FBXO31: variants seen among roughly 807,000 people sequenced by gnomAD.
FBXO31 encodes F-box protein 31.
A neutral mutation model predicts 54.4 loss-of-function variants in FBXO31; 24 were observed. That is an observed-to-expected ratio of 0.44 (90% CI 0.32 to 0.62). The LOEUF (loss-of-function observed/expected upper bound fraction) is 0.62, where lower values mean the gene tolerates loss of function less well. Among genes scored for constraint, FBXO31 ranks in the 20% least tolerant of loss-of-function variants. The probability of loss-of-function intolerance (pLI) is 0.05; values close to 1 mark genes in which losing one functional copy is unlikely to be tolerated. For synonymous variants in FBXO31, 388 were observed against 335.6 expected (o/e 1.16, Z -1.71); for missense variants, 665 against 787.1 (o/e 0.84, Z 1.86).
At chr16:87,344,340 C>T (rs879934715) in intron 3 of FBXO31, among the ~76,000 whole-genome samples, 5 of 152,350 alleles carry the variant, frequency 3.3e-5, no homozygotes, top group Non-Finnish European at 5.9e-5. Context: ...CGCTCAGGAG[C>T]GGGAAGAGCC....
intron 1 of FBXO31, among the ~76,000 whole-genome samples, chr16:87,361,832 C>G (rs996543934): frequency 6.6e-6 from 1 of 152,232 alleles, no homozygotes; most frequent in Non-Finnish European, 1.5e-5. Context: ...CTCTTTCCAG[C>G]GGGACCGTTC....
At position 87,336,572 on chromosome 16, in the gene FBXO31, G is replaced by C. The variant is rs1463498076; in HGVS notation, c.733-308C>G. Reference sequence around the variant, plus strand: ...GGGCCACAGCCATGACCAGAACTCAGGGTGGGCCTCCCTTCCATGCCCACC... The same window carrying C: ...GGGCCACAGCCATGACCAGAACTCACGGTGGGCCTCCCTTCCATGCCCACC... On this transcript the variant is annotated intron_variant, in intron 5 of 8. Transcript: ENST00000311635. The surrounding 1 kb of genome is among the most constrained non-coding windows in gnomAD (Gnocchi z 6.5). 6.6e-6 allele frequency among the ~76,000 whole-genome samples: 1 copy of C among 152,154 alleles called. No individual in the cohort carries two copies. Among genetic ancestry groups the C allele is most frequent in the Non-Finnish European group, 1.5e-5 (1 of 68,016 alleles).
intron 2 of FBXO31, among the ~76,000 whole-genome samples, chr16:87,350,631 G>A (rs1441386773): frequency 6.6e-6 from 1 of 152,218 alleles, no homozygotes; most frequent in African/African-American, 2.4e-5. Context: ...GGGATGGACT[G>A]CTGGGCGGCT....
At chr16:87,380,027 C>T (rs1347893865) in intron 1 of FBXO31, among the ~76,000 whole-genome samples, 5 of 147,182 alleles carry the variant, frequency 3.4e-5, no homozygotes, top group African/African-American at 1.0e-4. Context: ...AGGCCTGCCG[C>T]GGTGGCTCAC....
chr16:87,361,629 G>A (rs74038751), intron 1 of FBXO31, among the ~76,000 whole-genome samples: 2 of 152,318 alleles, frequency 1.3e-5, no homozygotes, highest in Admixed American at 1.3e-4. Context: ...TAGCTCCAAA[G>A]TGCTGCCCCT....
chr16:87,368,294 G>C (rs538356306), intron 1 of FBXO31, among the ~76,000 whole-genome samples: 1 of 152,182 alleles, frequency 6.6e-6, no homozygotes, highest in Non-Finnish European at 1.5e-5. Flanking sequence ...AGTAATGTTC[G>C]ATATTTTCCA....
intron 1 of FBXO31, among the ~76,000 whole-genome samples, chr16:87,363,214 G>A (rs1050556995): frequency 3.9e-5 from 6 of 152,032 alleles, no homozygotes; most frequent in African/African-American, 1.4e-4. Context: ...GAGAAACCCC[G>A]TCTCTACTGA....
At chr16:87,380,464 T>C (rs1443909022) in intron 1 of FBXO31, among the ~76,000 whole-genome samples, 1 of 152,114 alleles carries the variant, frequency 6.6e-6, no homozygotes, top group Non-Finnish European at 1.5e-5. Flanking sequence ...TGCAGTAGCA[T>C]GTTCACAGCT....
chr16:87,335,089 G>C lies in FBXO31; in HGVS notation c.996+215C>G, dbSNP rs1299754852. Among the ~76,000 whole-genome samples the C allele has an allele frequency of 6.6e-6, 1 of 152,230 alleles. No homozygotes were observed. Among genetic ancestry groups the C allele is most frequent in the Admixed American group, 6.5e-5 (1 of 15,290 alleles). On this transcript the variant is annotated intron_variant, in intron 7 of 8. Coordinates refer to ENST00000311635, the MANE Select transcript of FBXO31 (RefSeq NM_024735.5). The surrounding 1 kb of genome is among the most constrained non-coding windows in gnomAD (Gnocchi z 5.7). The stretch of plus-strand genomic sequence containing the variant: ...GGGAAGGCCACCTTGGAAGCACACA[G>C]ACTCCCTGAGGGTCTCGTGGAAATG...
chr16:87,351,254 CCATT>C (rs1240367056), intron 2 of FBXO31, among the ~76,000 whole-genome samples: 1 of 152,194 alleles, frequency 6.6e-6, no homozygotes, highest in Non-Finnish European at 1.5e-5. Context: ...AATTAAGCTC[CCATT>C]CAAACGGTCA....
chr16:87,354,976 T>A (rs1905830904), intron 2 of FBXO31, among the ~76,000 whole-genome samples: 1 of 151,910 alleles, frequency 6.6e-6, no homozygotes, highest in Non-Finnish European at 1.5e-5. Context: ...CTCAAAAAAA[T>A]AAAAATAAAA....
chr16:87,331,355 T>C lies in FBXO31; in HGVS notation c.1553A>G (p.Asn518Ser). The C allele has an allele frequency of 6.2e-7, 1 of 1,614,012 alleles. No homozygotes were observed. Among genetic ancestry groups the C allele is most frequent in the South Asian group, 1.1e-5 (1 of 91,078 alleles). The change falls in exon 9 of 9, where the codon AAC becomes AGC. Residue 518 changes from asparagine to serine, a missense_variant. Around this residue, in one of 4 missense-constraint regions of FBXO31, gnomAD observed 71 missense variants for 105.8 expected, o/e 0.67. Coordinates refer to ENST00000311635, the MANE Select transcript of FBXO31 (RefSeq NM_024735.5). Reference sequence around the variant, plus strand: ...GGCCTGTGGGGACGGCGCATCTGCGTTCCGGAAGGTGGCCTGGACCCGGCT... The same window carrying C: ...GGCCTGTGGGGACGGCGCATCTGCGCTCCGGAAGGTGGCCTGGACCCGGCT... ...LYSRVQATFR[N>S]ADAPSPQAFD...
chr16:87,390,886 A>G (rs1907514583), upstream of FBXO31, among the ~76,000 whole-genome samples: 1 of 151,992 alleles, frequency 6.6e-6, no homozygotes, highest in African/African-American at 2.4e-5. Flanking sequence ...GCTTGGAGCC[A>G]CCGCCCCCCG....
chr16:87,341,798 G>A (rs542807340), intron 5 of FBXO31, among the ~76,000 whole-genome samples: 92 of 151,600 alleles, frequency 6.1e-4, no homozygotes, highest in African/African-American at 2.1e-3. Flanking sequence ...ATCTATTCAA[G>A]AAAACAGGAA....
Position 87,335,333 on chromosome 16 carries a change from C to T in FBXO31, c.967G>A (p.Gly323Ser). The T allele has an allele frequency of 1.9e-6, 3 of 1,613,928 alleles. No individual in the cohort carries two copies. The highest frequency in any genetic ancestry group is 2.5e-6 in the Non-Finnish European group (3 of 1,180,008). The change falls in exon 7 of 9, where the codon GGC becomes AGC. Residue 323 changes from glycine (G) to serine (S), a missense_variant. Physicochemically the swap from Gly to Ser is moderately conservative, Grantham distance 56 (BLOSUM62 0). Transcript: ENST00000311635. This position sits in a 1 kb window ranked among gnomAD's most constrained non-coding sequence, Gnocchi z 5.7. ...GLEIVMLSFH[G>S]RRARGTKITG... ...ATCTTGGTGCCCCTGGCACGCCGGCCGTGGAAGCTGAGCATCACAATCTCC... is the reference window on the plus strand; with the variant it reads ...ATCTTGGTGCCCCTGGCACGCCGGCTGTGGAAGCTGAGCATCACAATCTCC...
chr16:87,387,470 T>C (rs906349911), upstream of FBXO31, among the ~76,000 whole-genome samples: 1 of 152,164 alleles, frequency 6.6e-6, no homozygotes, highest in African/African-American at 2.4e-5. Flanking sequence ...CATTTTCCAA[T>C]TGGTTGCCTC....
Position 87,343,608 on chromosome 16 carries a change from C to T in FBXO31, c.647G>A (p.Gly216Asp). 6.2e-7 allele frequency: 1 copy of T among 1,608,178 alleles called. No homozygotes were observed. Among genetic ancestry groups the T allele is most frequent in the Non-Finnish European group, 8.5e-7 (1 of 1,177,358 alleles). The part of the protein sequence containing the change: ...CMYGHKGPHH[G>D]HIQIVKKDEF... ...CGCCGCTGCACACACCTGGATGTGG[C>T]CGTGGTGGGGCCCTTTGTGGCCGTA... is the stretch of plus-strand genomic sequence containing the variant. The change falls in exon 4 of 9, where the codon GGC (glycine) becomes GAC (aspartate). Residue 216 changes from glycine to aspartate, a missense_variant. Physicochemically the swap from Gly to Asp is moderately conservative, Grantham distance 94. Around this residue, in one of 4 missense-constraint regions of FBXO31, gnomAD observed 234 missense variants for 346.8 expected, o/e 0.67. Transcript: ENST00000311635.
At position 87,383,735 on chromosome 16, in the gene FBXO31, A is replaced by G. The variant is rs2150701759; in HGVS notation, c.10T>C (p.Cys4Arg). 2 of 1,224,572 alleles carry G rather than the reference A, an allele frequency of 1.6e-6. No individual in the cohort carries two copies. Among genetic ancestry groups the G allele is most frequent in the African/African-American group, 1.6e-5 (1 of 62,984 alleles). The allele number at this position is 1,224,572 out of a possible 1,614,324, so 75.9% of individuals were successfully genotyped here. A position where few individuals can be genotyped will look rare whatever the true frequency, so the allele number is the denominator to read the frequency against. The change falls in exon 1 of 9, where the codon TGT becomes CGT. Residue 4 changes from cysteine to arginine, a missense_variant. By Grantham distance (180) the Cys-to-Arg change is radical. This residue lies in a region of FBXO31 where 195 missense variants were observed against 174.8 expected (regional missense o/e 1.12). Transcript: ENST00000311635. The surrounding 1 kb of genome is among the most constrained non-coding windows in gnomAD (Gnocchi z 4.9). ...GGGCCCACGCCGCAAAGGCGAGCAC[A>G]CACCGCCATGCCGCCCAGTGACGGC... is the stretch of plus-strand genomic sequence containing the variant. MAV[C>R]ARLCGVGPSR...
chr16:87,358,787 AG>A lies in FBXO31; in HGVS notation c.412+1507del, dbSNP rs1267994361. ...CTCCCGGGGCCAGCACACTCCCGGCAGGCCCCAGGCCACAGCTCACTGGGGC... is the reference window on the plus strand; with the variant it reads ...CTCCCGGGGCCAGCACACTCCCGGCAGCCCCAGGCCACAGCTCACTGGGGC... On this transcript the variant is annotated intron_variant, in intron 2 of 8. Transcript: ENST00000311635. The surrounding 1 kb of genome is among the most constrained non-coding windows in gnomAD (Gnocchi z 4.0). Among the ~76,000 whole-genome samples the A allele has an allele frequency of 2.0e-5, 3 of 152,166 alleles. No individual in the cohort carries two copies. The highest frequency in any genetic ancestry group is 7.2e-5 in the African/African-American group (3 of 41,436).
Sources: allele counts gnomAD v4.1 joint callset (sites outside exome capture counted in the v4.1 genomes callset), GRCh38; gene constraint gnomAD v4.1.1; regional missense constraint gnomAD v4.1.1; non-coding constraint Gnocchi (gnomAD v3.1); transcripts MANE v1.5; gene names NCBI Gene and HGNC (gene_info 2026-07-23, HGNC 2026-07-21).